The following NDUFAF2 variants were observed in gnomAD, a reference collection of about 807,000 sequenced individuals.
NDUFAF2 encodes the protein NADH dehydrogenase [ubiquinone] 1 alpha subcomplex assembly factor 2.
NDUFAF2 carries 13 observed loss-of-function variants against 22.8 expected under a neutral mutation model. The ratio of observed to expected loss-of-function variants is 0.57; its 90% CI spans 0.37 to 0.91. The LOEUF is 0.91. Ranked by LOEUF, NDUFAF2 falls within the 40% of genes least tolerant of loss-of-function variation. NDUFAF2 has a pLI of 0.01. For missense variants in NDUFAF2, 162 were observed against 195.2 expected (o/e 0.83, Z 1.01); for synonymous variants, 53 against 64.2 (o/e 0.83, Z 0.84).
At chr5:60,946,329 C>A (rs1208999039) in intron 1 of NDUFAF2, among the ~76,000 whole-genome samples, 1 of 152,188 alleles carries the variant, frequency 6.6e-6, no homozygotes, top group African/African-American at 2.4e-5. Flanking sequence ...AATATAAGAT[C>A]AGCAATGTTG....
intron 3 of NDUFAF2, among the ~76,000 whole-genome samples, chr5:61,100,258 A>G (rs1284071738): frequency 2.0e-5 from 3 of 152,118 alleles, no homozygotes; most frequent in African/African-American, 7.2e-5. Context: ...CATTTGCTTC[A>G]TCCATCCTCA....
At chr5:60,988,589 C>T (rs144230422) in intron 1 of NDUFAF2, among the ~76,000 whole-genome samples, 12 of 152,186 alleles carry the variant, frequency 7.9e-5, no homozygotes, top group African/African-American at 2.6e-4. Context: ...GGCACATAAA[C>T]CAATGGAACA....
At chr5:61,151,376 T>A (rs2111836941) in intron 3 of NDUFAF2, among the ~76,000 whole-genome samples, 1 of 152,258 alleles carries the variant, frequency 6.6e-6, no homozygotes, top group East Asian at 1.9e-4. Flanking sequence ...ATTAGTTACA[T>A]TAACATTCTA....
chr5:61,050,636 G>A (rs1442383971), intron 1 of NDUFAF2: 1 of 152,122 alleles, frequency 6.6e-6, no homozygotes, highest in Non-Finnish European at 1.5e-5. Context: ...TGGTGTAGTA[G>A]GTAAGGTGAA....
At chr5:60,983,013 C>T (rs201995821) in intron 1 of NDUFAF2, among the ~76,000 whole-genome samples, 1 of 149,828 alleles carries the variant, frequency 6.7e-6, no homozygotes. Context: ...TACGGTCCCA[C>T]CAACAGTGTA....
chr5:60,988,425 A>G (rs1327637639), intron 1 of NDUFAF2, among the ~76,000 whole-genome samples: 2 of 152,196 alleles, frequency 1.3e-5, no homozygotes, highest in African/African-American at 4.8e-5. Context: ...ACTAGAAAAA[A>G]ACTTTTAAAA....
At chr5:61,031,379 C>G (rs1561546079) in intron 1 of NDUFAF2, among the ~76,000 whole-genome samples, 1 of 152,096 alleles carries the variant, frequency 6.6e-6, no homozygotes, top group African/African-American at 2.4e-5. Context: ...TTGTTCACCT[C>G]TCACTTATGA....
At chr5:61,142,791 G>A (rs1277826080) in intron 3 of NDUFAF2, among the ~76,000 whole-genome samples, 1 of 152,082 alleles carries the variant, frequency 6.6e-6, no homozygotes, top group Non-Finnish European at 1.5e-5. Flanking sequence ...CTCCCATCCA[G>A]GCAAGATTAA....
chr5:61,015,330 G>A (rs1751491961), intron 1 of NDUFAF2, among the ~76,000 whole-genome samples: 2 of 152,136 alleles, frequency 1.3e-5, no homozygotes, highest in Admixed American at 1.3e-4. Flanking sequence ...TGCCCAGGCT[G>A]AAGTGCAGTG....
rs78770850 is a variant in NDUFAF2 at position 61,133,014 on chromosome 5, C to G, written c.259-19690C>G. On this transcript the variant is annotated intron_variant, in intron 3 of 3. Coordinates refer to ENST00000296597, the MANE Select transcript of NDUFAF2 (RefSeq NM_174889.5). Reference sequence around the variant, plus strand: ...GGTGGGGGCAATAGAGTCCTGAGATCCATTTTAAGTAAGGGGCACTTGCCT... The same window carrying G: ...GGTGGGGGCAATAGAGTCCTGAGATGCATTTTAAGTAAGGGGCACTTGCCT... 1.9e-3 allele frequency among the ~76,000 whole-genome samples: 289 copies of G among 152,170 alleles called. 1 individual carries two copies. Among genetic ancestry groups the G allele is most frequent in the Non-Finnish European group, 3.3e-3 (222 of 68,000 alleles).
chr5:61,043,136 C>T lies in NDUFAF2; in HGVS notation c.128-29989C>T, dbSNP rs540414600. On this transcript the variant is annotated intron_variant, in intron 1 of 3. Transcript: ENST00000296597. ...CCAGGAGGCTGAGGCAGGAGAATTGCTTGAACTTGGGAGGCAGGGGTTGCA... is the reference window on the plus strand; with the variant it reads ...CCAGGAGGCTGAGGCAGGAGAATTGTTTGAACTTGGGAGGCAGGGGTTGCA... 2.6e-5 allele frequency among the ~76,000 whole-genome samples: 4 copies of T among 152,204 alleles called. No homozygotes were observed. The South Asian group carries it at 8.3e-4, about 32-fold the overall frequency.
intron 2 of NDUFAF2, among the ~76,000 whole-genome samples, chr5:61,080,433 A>C (rs950395117): frequency 1.3e-5 from 2 of 152,156 alleles, no homozygotes; most frequent in African/African-American, 4.8e-5. Flanking sequence ...CTGCCAAGAT[A>C]TTTTGCAATG....
At chr5:61,034,912 A>ATGTGTGTG (rs1554080641) in intron 1 of NDUFAF2, among the ~76,000 whole-genome samples, 1,573 of 144,962 alleles carry the variant, frequency 0.011, 28 homozygotes, top group South Asian at 0.06. Flanking sequence ...GCAAATATAT[A>ATGTGTGTG]TGTGTGTGTG....
At chr5:60,991,874 CTG>C (rs1751162966) in intron 1 of NDUFAF2, among the ~76,000 whole-genome samples, 1 of 152,166 alleles carries the variant, frequency 6.6e-6, no homozygotes, top group South Asian at 2.1e-4. Flanking sequence ...AATCTCCAGA[CTG>C]TTCTCCATAG....
At chr5:61,022,919 A>G (rs942197037) in intron 1 of NDUFAF2, among the ~76,000 whole-genome samples, 1 of 152,224 alleles carries the variant, frequency 6.6e-6, no homozygotes, top group East Asian at 1.9e-4. Context: ...TGCTAGGATT[A>G]CCGGCGTGAA....
At chr5:61,150,560 T>C (rs1741219418) in intron 3 of NDUFAF2, among the ~76,000 whole-genome samples, 1 of 152,156 alleles carries the variant, frequency 6.6e-6, no homozygotes, top group Admixed American at 6.6e-5. Flanking sequence ...TGCCCTCCAT[T>C]TTCTTTTCAT....
chr5:61,070,062 T>C (rs996593847), intron 1 of NDUFAF2, among the ~76,000 whole-genome samples: 2 of 152,158 alleles, frequency 1.3e-5, no homozygotes, highest in Admixed American at 1.3e-4. Context: ...ATAATACTCA[T>C]TGAGTCCACC....
chr5:61,019,668 G>GT (rs546588277), intron 1 of NDUFAF2, among the ~76,000 whole-genome samples: 1 of 151,860 alleles, frequency 6.6e-6, no homozygotes, highest in East Asian at 1.9e-4. Flanking sequence ...TATAAATTTT[G>GT]TTTTTTTCAA....
At chr5:60,979,905 A>G (rs1750954083) in intron 1 of NDUFAF2, among the ~76,000 whole-genome samples, 1 of 152,064 alleles carries the variant, frequency 6.6e-6, no homozygotes, top group Non-Finnish European at 1.5e-5. Flanking sequence ...AAGCAATACA[A>G]CTAGTGGTGA....
Sources: allele counts gnomAD v4.1 joint callset (sites outside exome capture counted in the v4.1 genomes callset), GRCh38; gene constraint gnomAD v4.1.1; transcripts MANE v1.5; gene names NCBI Gene and HGNC (gene_info 2026-07-23, HGNC 2026-07-21).